The following TYW1 variants were observed in gnomAD, a reference collection of about 807,000 sequenced individuals.
TYW1 encodes the protein tRNA-yW synthesizing protein 1 homolog.
TYW1 carries 46 observed loss-of-function variants against 96.2 expected under a neutral mutation model. The observed-to-expected ratio is 0.48, with a 90% confidence interval of 0.38 to 0.61. The LOEUF (loss-of-function observed/expected upper bound fraction) is 0.61, where lower values mean the gene tolerates loss of function less well. TYW1 is among the 20% of genes least tolerant of loss of function. The probability of loss-of-function intolerance (pLI) is 0.00; values close to 1 mark genes in which losing one functional copy is unlikely to be tolerated. For missense variants in TYW1, 684 were observed against 909.6 expected (o/e 0.75, Z 3.19); for synonymous variants, 274 against 323.0 (o/e 0.85, Z 1.63).
chr7:67,175,595 GA>G (rs146799549), intron 13 of TYW1, among the ~76,000 whole-genome samples: 4,841 of 152,274 alleles, frequency 0.032, 235 homozygotes, highest in African/African-American at 0.11. Context: ...ATAAAACCAT[GA>G]AAAATTGGCT....
At chr7:67,203,987 C>T (rs1800688020) in intron 15 of TYW1, among the ~76,000 whole-genome samples, 1 of 152,116 alleles carries the variant, frequency 6.6e-6, no homozygotes, top group African/African-American at 2.4e-5. Context: ...GATTGTTTTT[C>T]TCCTTTAGGT....
chr7:67,229,226 A>T (rs1404731636), intron 15 of TYW1, among the ~76,000 whole-genome samples: 2 of 152,168 alleles, frequency 1.3e-5, no homozygotes, highest in Non-Finnish European at 2.9e-5. Context: ...TGCCAAGAGA[A>T]GTTGAAGTAC....
intron 11 of TYW1, chr7:67,089,573 G>C: frequency 1.8e-6 from 1 of 558,446 alleles, no homozygotes; most frequent in East Asian, 3.1e-5. Context: ...TCCTGGGTCT[G>C]GTTCAGTTGT....
chr7:67,046,688 G>A (rs1480513098), intron 7 of TYW1, among the ~76,000 whole-genome samples: 3 of 152,284 alleles, frequency 2.0e-5, no homozygotes, highest in Admixed American at 6.5e-5. Context: ...ACTCCCTTGC[G>A]GAGTGTTATA....
intron 10 of TYW1, among the ~76,000 whole-genome samples, chr7:67,079,489 C>CT (rs60070909): frequency 1.4e-4 from 21 of 146,154 alleles, no homozygotes; most frequent in African/African-American, 3.0e-4. Flanking sequence ...TTATTTGGAT[C>CT]TTTTTTTTTT....
intron 7 of TYW1, among the ~76,000 whole-genome samples, chr7:67,037,627 C>T (rs1272347633): frequency 6.6e-6 from 1 of 151,440 alleles, no homozygotes; most frequent in Non-Finnish European, 1.5e-5. Context: ...TGTGTTTCAT[C>T]TATTTTTATA....
At chr7:67,052,970 T>A (rs760595997) in intron 8 of TYW1, among the ~76,000 whole-genome samples, 1 of 152,052 alleles carries the variant, frequency 6.6e-6, no homozygotes, top group Non-Finnish European at 1.5e-5. Flanking sequence ...CTCGATCTCC[T>A]GACCTCCTGA....
intron 7 of TYW1, among the ~76,000 whole-genome samples, chr7:67,026,197 C>T (rs1439286524): frequency 2.0e-5 from 3 of 152,126 alleles, no homozygotes; most frequent in Non-Finnish European, 4.4e-5. Flanking sequence ...CTCAGCCTCC[C>T]GAGTAGCCGG....
intron 13 of TYW1, among the ~76,000 whole-genome samples, chr7:67,120,450 A>G (rs193273651): frequency 6.6e-6 from 1 of 152,318 alleles, no homozygotes; most frequent in Admixed American, 6.5e-5. Context: ...GTGTTTTACC[A>G]GTTGTCCAGC....
chr7:67,190,395 C>G (rs1171404446), intron 14 of TYW1, among the ~76,000 whole-genome samples: 1 of 152,174 alleles, frequency 6.6e-6, no homozygotes, highest in Non-Finnish European at 1.5e-5. Context: ...ATTTGGGGTG[C>G]CAAGAAGAGC....
At chr7:67,145,602 A>T (rs964081420) in intron 13 of TYW1, among the ~76,000 whole-genome samples, 8 of 152,180 alleles carry the variant, frequency 5.3e-5, no homozygotes, top group African/African-American at 1.9e-4. Context: ...TTGTTTCATC[A>T]TCTTAGATCA....
chr7:67,069,896 C>G (rs1562995571), intron 10 of TYW1, among the ~76,000 whole-genome samples: 1 of 152,160 alleles, frequency 6.6e-6, no homozygotes. Context: ...GAAGGACTCC[C>G]TTTAGTATTT....
At chr7:67,108,198 T>G (rs186961546) in intron 12 of TYW1, among the ~76,000 whole-genome samples, 96 of 152,116 alleles carry the variant, frequency 6.3e-4, no homozygotes, top group Non-Finnish European at 1.1e-3. Flanking sequence ...TTCTTAATAA[T>G]AAAACGTTAA....
intron 15 of TYW1, among the ~76,000 whole-genome samples, chr7:67,212,671 G>T (rs1377698778): frequency 4.0e-5 from 6 of 150,418 alleles, no homozygotes; most frequent in Admixed American, 2.0e-4. Context: ...CGGTTTTTTT[G>T]TTTTTTTTTG....
intron 15 of TYW1, among the ~76,000 whole-genome samples, chr7:67,201,199 C>T (rs150581264): frequency 0.076 from 10,635 of 139,864 alleles, 580 homozygotes; most frequent in African/African-American, 0.14. Context: ...GCTGTGGTGT[C>T]GTGTGCCTGT....
chr7:67,178,949 T>C (rs1799757078), intron 13 of TYW1, among the ~76,000 whole-genome samples: 1 of 138,316 alleles, frequency 7.2e-6, no homozygotes, highest in Non-Finnish European at 1.6e-5. Flanking sequence ...TACTGTTGCA[T>C]GACAGGTGAG....
intron 13 of TYW1, among the ~76,000 whole-genome samples, chr7:67,156,155 C>T (rs568156314): frequency 1.3e-5 from 2 of 152,140 alleles, no homozygotes; most frequent in South Asian, 4.2e-4. Flanking sequence ...GGGTCCTGGT[C>T]GGGCCAGTCT....
chr7:67,108,572 G>C (rs543578685), intron 12 of TYW1, among the ~76,000 whole-genome samples: 1 of 151,624 alleles, frequency 6.6e-6, no homozygotes, highest in African/African-American at 2.4e-5. Flanking sequence ...ATCCCCAGTA[G>C]CTGGGAATAC....
chr7:67,075,848 G>A (rs1389218947), intron 10 of TYW1, among the ~76,000 whole-genome samples: 1 of 152,158 alleles, frequency 6.6e-6, no homozygotes, highest in East Asian at 1.9e-4. Flanking sequence ...TCTTCAAAGA[G>A]ACTTTCCTCC....
Sources: gnomAD v4.1 joint callset for allele counts (sites outside exome capture counted in the v4.1 genomes callset) on GRCh38, gnomAD v4.1.1 for gene constraint, MANE v1.5 for transcripts, NCBI Gene and HGNC (gene_info 2026-07-23, HGNC 2026-07-21) for gene names.